Variants in ITGB8 observed in about 807,000 individuals in gnomAD.
The protein encoded by ITGB8 is integrin subunit beta 8.
A neutral mutation model predicts 89.5 loss-of-function variants in ITGB8; 30 were observed. That is an observed-to-expected ratio of 0.34 (90% CI 0.25 to 0.45). ITGB8 has a LOEUF of 0.45. Among genes scored for constraint, ITGB8 ranks in the 20% least tolerant of loss-of-function variants. The pLI is 1.00. For missense variants in ITGB8, 836 were observed against 933.3 expected (o/e 0.90, Z 1.36); for synonymous variants, 335 against 320.4 (o/e 1.05, Z -0.49).
chr7:20,342,682 T>G (rs1490383022), intron 1 of ITGB8, among the ~76,000 whole-genome samples: 1 of 152,198 alleles, frequency 6.6e-6, no homozygotes, highest in East Asian at 1.9e-4. Flanking sequence ...TCATTCATTT[T>G]TTTTTTTTTG....
At chr7:20,352,311 G>T (rs1388996422) in intron 1 of ITGB8, 1 of 152,194 alleles carries the variant, frequency 6.6e-6, no homozygotes, top group Non-Finnish European at 1.5e-5. Context: ...AAAATTCCCA[G>T]CAGGTGAGTG....
At chr7:20,347,258 G>A (rs938067380) in intron 1 of ITGB8, among the ~76,000 whole-genome samples, 3 of 152,206 alleles carry the variant, frequency 2.0e-5, no homozygotes, top group Admixed American at 2.0e-4. Flanking sequence ...TTACTACTCA[G>A]GTGGTGGAAA....
intron 1 of ITGB8, among the ~76,000 whole-genome samples, chr7:20,361,443 C>A (rs1178453119): frequency 1.3e-5 from 2 of 152,154 alleles, no homozygotes; most frequent in Non-Finnish European, 2.9e-5. Context: ...ATTAAGGTGC[C>A]AACATCCAGT....
chr7:20,391,457 G>C lies in ITGB8; in HGVS notation c.1015G>C (p.Val339Leu). 1 of 1,604,984 alleles carries C rather than the reference G, an allele frequency of 6.2e-7. No homozygotes were observed. ...SEKLIDNNIN[V>L]IFAVQGKQFH... ...GAAATTAATAGACAACAACATTAATGTCATCTTTGCAGTTCAAGGAAAACA... is the reference window on the plus strand; with the variant it reads ...GAAATTAATAGACAACAACATTAATCTCATCTTTGCAGTTCAAGGAAAACA... Residue 339 changes from valine (V) to leucine (L), a missense_variant, in exon 7 of 14, where the codon GTC (valine) becomes CTC (leucine). Physicochemically the swap from Val to Leu is conservative, Grantham distance 32. Around this residue, in one of 5 missense-constraint regions of ITGB8, gnomAD observed 192 missense variants for 267.1 expected, o/e 0.72. Transcript: ENST00000222573.
intron 1 of ITGB8, 177 bp downstream of exon 1, chr7:20,332,110 C>G: frequency 7.6e-7 from 1 of 1,316,462 alleles, no homozygotes; most frequent in Admixed American, 2.9e-5. Context: ...AGGTGTCAAG[C>G]ATTTCTGCCC....
At chr7:20,355,933 AT>A (rs1433924714) in intron 1 of ITGB8, among the ~76,000 whole-genome samples, 1 of 152,206 alleles carries the variant, frequency 6.6e-6, no homozygotes, top group Non-Finnish European at 1.5e-5. Flanking sequence ...TGTTATCATT[AT>A]TTGAATGACA....
At position 20,409,877 on chromosome 7, in the gene ITGB8, T is replaced by G; in HGVS notation, c.2190T>G (p.Asp730Glu). 1 of 1,613,364 alleles carries G rather than the reference T, an allele frequency of 6.2e-7. No homozygotes were observed. Among genetic ancestry groups the G allele is most frequent in the Non-Finnish European group, 8.5e-7 (1 of 1,179,690 alleles). The stretch of plus-strand genomic sequence containing the variant: ...AATAATATTTCTTCTCTATTAAGGA[T>G]AAGTTGATTCTGCAAAGTGTTTGCA... Reference protein sequence around the residue: ...SDYRVSASKKDKLILQSVCTR... With the variant: ...SDYRVSASKKEKLILQSVCTR... The change falls in exon 14 of 14, where the codon GAT becomes GAG. Residue 730 changes from aspartate (D) to glutamate (E), a missense_variant and splice_region_variant. This residue lies in a region of ITGB8 where 422 missense variants were observed against 416.9 expected (regional missense o/e 1.01). Transcript: ENST00000222573.
intron 1 of ITGB8, among the ~76,000 whole-genome samples, chr7:20,350,107 A>T (rs968846522): frequency 2.0e-5 from 3 of 152,138 alleles, no homozygotes; most frequent in African/African-American, 7.2e-5. Flanking sequence ...CCCCTTTTTT[A>T]AAAAACAAAA....
At position 20,408,212 on chromosome 7, in the gene ITGB8, C is replaced by T. The variant is rs1175970320; in HGVS notation, c.2024-1403C>T. Among the ~76,000 whole-genome samples, 9 of 151,964 alleles carry T rather than the reference C, an allele frequency of 5.9e-5. No homozygotes were observed. In the East Asian group the frequency reaches 7.7e-4, roughly 13 times the overall value. ...ACAAAAGGCATGTATGTTATGAGCC[C>T]GAAGTCACTGTGGAGGCCTCAAAAG... is the stretch of plus-strand genomic sequence containing the variant. On this transcript the variant is annotated intron_variant, in intron 12 of 13. Coordinates refer to ENST00000222573, the MANE Select transcript of ITGB8 (RefSeq NM_002214.3).
chr7:20,373,545 A>C (rs1228247213), intron 3 of ITGB8, among the ~76,000 whole-genome samples: 2 of 151,972 alleles, frequency 1.3e-5, no homozygotes, highest in African/African-American at 2.4e-5. Flanking sequence ...ATTTAGTAAG[A>C]TTTTCCAGAT....
At chr7:20,338,969 G>A (rs1784663489) in intron 1 of ITGB8, among the ~76,000 whole-genome samples, 2 of 152,112 alleles carry the variant, frequency 1.3e-5, no homozygotes, top group East Asian at 1.9e-4. Context: ...AGAGGTGGGT[G>A]GATCACGAGG....
chr7:20,347,339 A>G (rs1234348453), intron 1 of ITGB8, among the ~76,000 whole-genome samples: 3 of 152,300 alleles, frequency 2.0e-5, no homozygotes, highest in African/African-American at 7.2e-5. Context: ...CTGTATCAGC[A>G]AAAGAAACTG....
At chr7:20,345,202 T>C (rs866288959) in intron 1 of ITGB8, among the ~76,000 whole-genome samples, 33 of 152,284 alleles carry the variant, frequency 2.2e-4, no homozygotes, top group Admixed American at 1.1e-3. Flanking sequence ...TATATAACTT[T>C]CTAGGAGGAT....
At position 20,365,017 on chromosome 7, in the gene ITGB8, A is replaced by G. The variant is rs188714078; in HGVS notation, c.213+1295A>G. 8 of 152,358 alleles carry G rather than the reference A, an allele frequency of 5.3e-5. No homozygotes were observed. In the East Asian group the frequency reaches 1.3e-3, roughly 26 times the overall value. 9.4% of individuals were successfully genotyped at this position (152,358 alleles called of 1,614,324 possible). A position where few individuals can be genotyped will look rare whatever the true frequency, so the allele number is the denominator to read the frequency against. On this transcript the variant is annotated intron_variant, in intron 2 of 13. Transcript: ENST00000222573. ...GAAGAGCCTTCAAAAGATAGTACAG[A>G]AGCCCAGTTGTCAGCCACATGTAAC... is the stretch of plus-strand genomic sequence containing the variant.
intron 3 of ITGB8, among the ~76,000 whole-genome samples, chr7:20,368,583 G>A (rs1785799787): frequency 6.6e-6 from 1 of 152,018 alleles, no homozygotes; most frequent in Non-Finnish European, 1.5e-5. Context: ...CTAATTGAAT[G>A]CCAATTTTCA....
Position 20,356,688 on chromosome 7 carries a change from T to C in ITGB8, c.128-6949T>C, listed in dbSNP as rs376668218. ...AGAATGATTGATTCTAAATATCAAG[T>C]ACTACAGTCTTTGTCAGTTGTAATT... On this transcript the variant is annotated intron_variant, in intron 1 of 13. Coordinates refer to ENST00000222573, the MANE Select transcript of ITGB8 (RefSeq NM_002214.3). Among the ~76,000 whole-genome samples, 12 of 152,338 alleles carry C rather than the reference T, an allele frequency of 7.9e-5. 1 individual carries two copies. Among genetic ancestry groups the C allele is most frequent in the Middle Eastern group, 3.4e-3 (1 of 294 alleles).
chr7:20,375,324 G>T (rs1243466645), intron 3 of ITGB8, among the ~76,000 whole-genome samples: 1 of 151,022 alleles, frequency 6.6e-6, no homozygotes, highest in African/African-American at 2.4e-5. Flanking sequence ...TAGGAAAAAA[G>T]ACCTAAAATT....
intron 1 of ITGB8, among the ~76,000 whole-genome samples, chr7:20,358,666 G>T (rs1261083448): frequency 6.6e-6 from 1 of 152,102 alleles, no homozygotes. Flanking sequence ...GCCTCCCAAA[G>T]TGCTGGGATT....
chr7:20,400,791 G>T (rs1787277423), intron 9 of ITGB8, among the ~76,000 whole-genome samples: 1 of 152,122 alleles, frequency 6.6e-6, no homozygotes, highest in South Asian at 2.1e-4. Flanking sequence ...GAGGTCTTAA[G>T]ATTTGCAAAT....
Sources: gnomAD v4.1 joint callset for allele counts (sites outside exome capture counted in the v4.1 genomes callset) on GRCh38, gnomAD v4.1.1 for gene constraint, gnomAD v4.1.1 regional missense constraint, MANE v1.5 for transcripts, NCBI Gene and HGNC (gene_info 2026-07-23, HGNC 2026-07-21) for gene names.